The following CCDC146 variants were observed in gnomAD, a reference collection of about 807,000 sequenced individuals.
CCDC146 encodes coiled-coil domain containing 146.
CCDC146 carries 92 observed loss-of-function variants against 119.3 expected under a neutral mutation model. That is an observed-to-expected ratio of 0.77 (90% CI 0.65 to 0.92). The LOEUF (loss-of-function observed/expected upper bound fraction) is 0.92. CCDC146 is among the 40% of genes least tolerant of loss of function. The probability of loss-of-function intolerance (pLI) is 0.00; values close to 1 mark genes in which losing one functional copy is unlikely to be tolerated. For synonymous variants in CCDC146, 372 were observed against 371.8 expected (o/e 1.00, Z -0.01); for missense variants, 1,000 against 1,103.0 (o/e 0.91, Z 1.32).
intron 2 of CCDC146, among the ~76,000 whole-genome samples, chr7:77,227,597 G>A (rs773338529): frequency 6.6e-6 from 1 of 152,190 alleles, no homozygotes; most frequent in Non-Finnish European, 1.5e-5. Flanking sequence ...GAGCCACGGC[G>A]CCTGGCCACC....
chr7:77,240,446 C>T (rs1253398048), intron 3 of CCDC146, among the ~76,000 whole-genome samples: 1 of 152,202 alleles, frequency 6.6e-6, no homozygotes, highest in Non-Finnish European at 1.5e-5. Context: ...ATACCAAAAT[C>T]CATGGATACT....
chr7:77,164,765 CT>C (rs1249360897), intron 1 of CCDC146, among the ~76,000 whole-genome samples: 4 of 152,174 alleles, frequency 2.6e-5, no homozygotes, highest in Admixed American at 6.5e-5. Flanking sequence ...AATGATATGT[CT>C]GTGACCACCT....
intron 15 of CCDC146, among the ~76,000 whole-genome samples, chr7:77,283,485 T>C (rs1325869150): frequency 6.6e-6 from 1 of 152,192 alleles, no homozygotes; most frequent in Admixed American, 6.5e-5. Context: ...CAGGAACAAA[T>C]TCTAACCTAT....
At chr7:77,258,505 T>C (rs1320751079) in intron 6 of CCDC146, among the ~76,000 whole-genome samples, 2 of 152,216 alleles carry the variant, frequency 1.3e-5, no homozygotes, top group Non-Finnish European at 2.9e-5. Flanking sequence ...AAATTACATT[T>C]ATTGTACAGT....
chr7:77,206,599 C>T (rs1792083660), intron 2 of CCDC146, among the ~76,000 whole-genome samples: 2 of 151,398 alleles, frequency 1.3e-5, no homozygotes, highest in African/African-American at 2.4e-5. Flanking sequence ...CACCACTGCA[C>T]TCCAGCTTGG....
chr7:77,220,917 G>C (rs1037199568), intron 2 of CCDC146, among the ~76,000 whole-genome samples: 1 of 152,174 alleles, frequency 6.6e-6, no homozygotes, highest in East Asian at 1.9e-4. Context: ...ACAAAGAAAA[G>C]AGGTTTAATT....
intron 15 of CCDC146, among the ~76,000 whole-genome samples, chr7:77,283,312 A>G (rs981738303): frequency 6.6e-6 from 1 of 152,162 alleles, no homozygotes; most frequent in East Asian, 1.9e-4. Context: ...TTTAAAGTGG[A>G]ATAGATCCAA....
intron 17 of CCDC146, among the ~76,000 whole-genome samples, chr7:77,289,035 G>A (rs1383451568): frequency 7.3e-6 from 1 of 136,722 alleles, no homozygotes. Context: ...TCAGGCCAGT[G>A]GCAGGTGTGC....
chr7:77,261,817 G>A (rs1562852525), intron 8 of CCDC146, among the ~76,000 whole-genome samples: 1 of 152,210 alleles, frequency 6.6e-6, no homozygotes, highest in African/African-American at 2.4e-5. Flanking sequence ...TGTGGCATAT[G>A]TACCACATTT....
intron 1 of CCDC146, among the ~76,000 whole-genome samples, chr7:77,164,214 G>A (rs1791307973): frequency 1.3e-5 from 2 of 152,006 alleles, no homozygotes; most frequent in African/African-American, 2.4e-5. Context: ...CTAATGTTCT[G>A]AAGGAAATAT....
intron 4 of CCDC146, among the ~76,000 whole-genome samples, chr7:77,243,582 G>A (rs1369430867): frequency 3.9e-5 from 6 of 152,164 alleles, no homozygotes; most frequent in African/African-American, 9.7e-5. Context: ...TATGGTGGTG[G>A]TCCCGTAACA....
At chr7:77,284,035 C>A (rs1793807384) in intron 15 of CCDC146, among the ~76,000 whole-genome samples, 1 of 152,164 alleles carries the variant, frequency 6.6e-6, no homozygotes, top group East Asian at 1.9e-4. Flanking sequence ...CTGCTTCCAA[C>A]AAGGTTCATT....
intron 2 of CCDC146, among the ~76,000 whole-genome samples, chr7:77,200,722 A>G (rs1452429815): frequency 1.3e-5 from 2 of 152,174 alleles, no homozygotes; most frequent in African/African-American, 2.4e-5. Context: ...GCCACTTGGT[A>G]TATCAGCTTG....
chr7:77,230,218 CT>C (rs200852735), intron 2 of CCDC146, among the ~76,000 whole-genome samples: 6 of 151,298 alleles, frequency 4.0e-5, no homozygotes, highest in Admixed American at 2.0e-4. Flanking sequence ...GGTTGTTTCT[CT>C]TTTTTTTTAC....
chr7:77,156,364 CA>C (rs1173986817), intron 1 of CCDC146, among the ~76,000 whole-genome samples: 12 of 152,122 alleles, frequency 7.9e-5, no homozygotes, highest in Non-Finnish European at 5.9e-5. Flanking sequence ...CAAGAGTTTT[CA>C]TTTTTCCTTT....
intron 1 of CCDC146, among the ~76,000 whole-genome samples, chr7:77,144,905 T>C (rs1240825764): frequency 6.6e-6 from 1 of 151,786 alleles, no homozygotes; most frequent in African/African-American, 2.4e-5. Flanking sequence ...TCTGCCAGCC[T>C]TTGGTATCAG....
chr7:77,128,154 TAAAC>T (rs911866303), intron 1 of CCDC146, among the ~76,000 whole-genome samples: 2 of 152,098 alleles, frequency 1.3e-5, no homozygotes, highest in South Asian at 2.1e-4. Context: ...TTTTGCTACA[TAAAC>T]AAACTCTGTT....
intron 1 of CCDC146, among the ~76,000 whole-genome samples, chr7:77,130,296 C>G (rs896472087): frequency 6.6e-6 from 1 of 151,986 alleles, no homozygotes; most frequent in Non-Finnish European, 1.5e-5. Context: ...AAACGCATCC[C>G]ATGCAGATAA....
chr7:77,165,588 A>G (rs1791327597), intron 1 of CCDC146, among the ~76,000 whole-genome samples: 1 of 152,218 alleles, frequency 6.6e-6, no homozygotes, highest in Admixed American at 6.5e-5. Context: ...GGCAAAAGCA[A>G]TGGCAGCAAT....
Sources: allele counts gnomAD v4.1 joint callset (sites outside exome capture counted in the v4.1 genomes callset), GRCh38; gene constraint gnomAD v4.1.1; transcripts MANE v1.5; gene names NCBI Gene and HGNC (gene_info 2026-07-23, HGNC 2026-07-21).